Variants in TEP1 observed in about 807,000 individuals in gnomAD.
TEP1 encodes the protein telomerase associated protein 1.
TEP1 carries 241 observed loss-of-function variants against 306.3 expected under a neutral mutation model. The observed-to-expected ratio is 0.79, with a 90% CI of 0.71 to 0.88. The LOEUF is 0.88. Ranked by LOEUF, TEP1 falls within the 40% of genes least tolerant of loss-of-function variation. TEP1 has a pLI of 0.00. For synonymous variants in TEP1, 1,289 were observed against 1,305.5 expected (o/e 0.99, Z 0.27); for missense variants, 3,051 against 3,276.1 (o/e 0.93, Z 1.68).
intron 5 of TEP1, 121 bp downstream of exon 5, chr14:20,404,490 G>A (rs1879012156): frequency 3.2e-6 from 4 of 1,263,898 alleles, no homozygotes; most frequent in Non-Finnish European, 4.3e-6. Context: ...TCCTGTCTGG[G>A]CACCAATGCT....
Position 20,406,244 on chromosome 14 carries a change from G to A in TEP1, c.724C>T (p.Gln242Ter). The change falls in exon 3 of 55, where the codon CAG (glutamine) becomes TAG (stop). Residue 242 changes from glutamine (Q) to a stop codon, truncating the protein, a stop_gained. Coordinates refer to ENST00000262715, the MANE Select transcript of TEP1 (RefSeq NM_007110.5). LOFTEE classifies it high-confidence loss of function. ...SHPEPTDHVLQEKKMALLSLL... is the reference protein window; with the variant it reads ...SHPEPTDHVL ...TCTTGAATTTTTACCTTCTTTTCCT[G>A]AAGGACATGGTCAGTAGGCTCTGGA... is the stretch of plus-strand genomic sequence containing the variant. 1 of 1,613,772 alleles carries A rather than the reference G, an allele frequency of 6.2e-7. No individual in the cohort carries two copies. Among genetic ancestry groups the A allele is most frequent in the East Asian group, 2.2e-5 (1 of 44,878 alleles).
Position 20,378,495 on chromosome 14 carries a change from G to T in TEP1, c.5393C>A (p.Thr1798Asn). Residue 1798 changes from threonine (T) to asparagine (N), a missense_variant, in exon 38 of 55, where the codon ACC (threonine) becomes AAC (asparagine). Transcript: ENST00000262715. ...TVRGQLAFQH[T>N]YPKSLNCVAF... ...AACACAGTTCAGGGACTTGGGGTAGGTGTGCTGGAAGGCCAGCTGCCCACG... is the reference window on the plus strand; with the variant it reads ...AACACAGTTCAGGGACTTGGGGTAGTTGTGCTGGAAGGCCAGCTGCCCACG... 1 of 1,614,216 alleles carries T rather than the reference G, an allele frequency of 6.2e-7. No homozygotes were observed. The highest frequency in any genetic ancestry group is 8.5e-7 in the Non-Finnish European group (1 of 1,180,034).
chr14:20,383,852 A>G lies in TEP1; in HGVS notation c.3601T>C (p.Phe1201Leu), dbSNP rs755222041. The change falls in exon 25 of 55, where the codon TTT (phenylalanine) becomes CTT (leucine). Residue 1201 changes from phenylalanine (F) to leucine (L), a missense_variant. By Grantham distance (22) the Phe-to-Leu change is conservative. Around this residue, in one of 3 missense-constraint regions of TEP1, gnomAD observed 1,507 missense variants for 1,550.5 expected, o/e 0.97. Coordinates refer to ENST00000262715, the MANE Select transcript of TEP1 (RefSeq NM_007110.5). ...CCCTGGTCAGGACGAGCCCCAGAAA[A>G]GTGGAAGAAGACTAATGATGCCACC... ...AKVASLVFFH[F>L]SGARPDQGLA... 26 of 1,604,446 alleles carry G rather than the reference A, an allele frequency of 1.6e-5. No individual in the cohort carries two copies. In the South Asian group the frequency reaches 2.8e-4, roughly 17 times the overall value.
At chr14:20,374,611 G>A (rs1187539820) in intron 43 of TEP1, 75 bp from the exon 44 acceptor site, 2 of 1,084,748 alleles carry the variant, frequency 1.8e-6, no homozygotes, top group Non-Finnish European at 2.6e-6. Flanking sequence ...AGTGTAGGGT[G>A]GAAGGCGGTT....
intron 18 of TEP1, among the ~76,000 whole-genome samples, chr14:20,387,132 T>G (rs926234641): frequency 1.5e-4 from 23 of 150,952 alleles, no homozygotes; most frequent in Non-Finnish European, 1.9e-4. Context: ...CAGGGTTTAG[T>G]CATGTTGGAC....
rs767536719 is a variant in TEP1, at chr14:20,408,029, C to T, written c.411G>A (p.Thr137=). The T allele has an allele frequency of 4.3e-6, 7 of 1,614,022 alleles. No homozygotes were observed. The highest frequency in any genetic ancestry group is 1.7e-5 in the Admixed American group (1 of 60,004). ...LFQSLQISHM[T]QADLYRVNNS... is the part of the protein sequence containing the mutation. ...TGTTCACACGGTACAAATCAGCTTG[C>T]GTCATGTGAGATATCTGTAGACTCT... Residue 137 remains threonine, a synonymous_variant, in exon 2 of 55, where the codon ACG becomes ACA. Transcript: ENST00000262715.
chr14:20,375,047 C>T (rs561457093), intron 43 of TEP1, among the ~76,000 whole-genome samples: 59 of 148,098 alleles, frequency 4.0e-4, no homozygotes, highest in South Asian at 6.5e-4. Context: ...GCAGAGATTG[C>T]GCCACTGCAC....
Position 20,401,007 on chromosome 14 carries a change from G to T in TEP1, c.1526C>A (p.Ala509Glu), listed in dbSNP as rs780628550. Reference sequence around the variant, plus strand: ...ACCAATGAGTTCCTCCCAGACCGACGCTTTGTTCCCCCGTAGGCTCAGCTC... The same window carrying T: ...ACCAATGAGTTCCTCCCAGACCGACTCTTTGTTCCCCCGTAGGCTCAGCTC... ...ERELSLRGNK[A>E]SVWEELIENG... Residue 509 changes from alanine to glutamate, a missense_variant, in exon 9 of 55, where the codon GCG (alanine) becomes GAG (glutamate). By Grantham distance (107) the Ala-to-Glu change is moderately radical (BLOSUM62 -1). Transcript: ENST00000262715. 3 of 1,614,224 alleles carry T rather than the reference G, an allele frequency of 1.9e-6. No individual in the cohort carries two copies. The highest frequency in any genetic ancestry group is 2.5e-6 in the Non-Finnish European group (3 of 1,180,028).
At chr14:20,391,295 T>A (rs1324719999) in intron 13 of TEP1, among the ~76,000 whole-genome samples, 199 bp from the exon 14 acceptor site, 2 of 152,176 alleles carry the variant, frequency 1.3e-5, no homozygotes, top group Non-Finnish European at 2.9e-5. Flanking sequence ...CCAGGATCCC[T>A]GCCCAAGTTC....
intron 10 of TEP1, 23 bp from the exon 11 acceptor site, chr14:20,395,972 GTCATGAGCACAGGAGCCGGGA>G: frequency 2.5e-6 from 4 of 1,605,402 alleles, no homozygotes; most frequent in Non-Finnish European, 3.4e-6. Flanking sequence ...GGAGGGAGGG[GTCATGAGCACAGGAGCCGGGA>G]GTATGGGGGG....
In TEP1 at chr14:20,379,991, T is replaced by C. The variant is rs1401553910; in HGVS notation, c.5066A>G (p.Gln1689Arg). The change falls in exon 35 of 55, where the codon CAA (glutamine) becomes CGA (arginine). Residue 1689 changes from glutamine to arginine, a missense_variant. This residue lies in a region of TEP1 where 1,540 missense variants were observed against 1,705.9 expected (regional missense o/e 0.90). Transcript: ENST00000262715. ...ATTGGCAGTGCCCACAGCTGCTCTT[T>C]GCCCATTGGTGGAGAAGGCCACAGC... ...PTAVAFSTNG[Q>R]RAAVGTANGT... 2.5e-6 allele frequency: 4 copies of C among 1,614,024 alleles called. No individual in the cohort carries two copies. Among genetic ancestry groups the C allele is most frequent in the African/African-American group, 2.7e-5 (2 of 74,916 alleles).
chr14:20,386,852 A>G (rs1877209264), intron 18 of TEP1, among the ~76,000 whole-genome samples: 1 of 151,950 alleles, frequency 6.6e-6, no homozygotes, highest in African/African-American at 2.4e-5. Context: ...TCTGGTAATC[A>G]TTTTTATATA....
intron 20 of TEP1, among the ~76,000 whole-genome samples, chr14:20,385,459 G>A (rs112128160): frequency 0.033 from 5,054 of 151,878 alleles, 297 homozygotes; most frequent in African/African-American, 0.11. Context: ...AGCAACCTCC[G>A]CCTCCTCGGT....
In TEP1 at chr14:20,368,866, G is replaced by A. The variant is rs1333866001; in HGVS notation, c.7693C>T (p.Pro2565Ser). 1 of 1,613,964 alleles carries A rather than the reference G, an allele frequency of 6.2e-7. No homozygotes were observed. The highest frequency in any genetic ancestry group is 8.5e-7 in the Non-Finnish European group (1 of 1,180,016). Reference sequence around the variant, plus strand: ...TTCGAAGCTGTCACCAGCAACTCAGGTAGCACATGGAGGGCTGTGACAGAG... The same window carrying A: ...TTCGAAGCTGTCACCAGCAACTCAGATAGCACATGGAGGGCTGTGACAGAG... ...SGSVTALHVL[P>S]ELLVTASKDR... Residue 2565 changes from proline to serine, a missense_variant, in exon 54 of 55, where the codon CCT becomes TCT. Pro to Ser is a moderately conservative substitution (Grantham distance 74). Transcript: ENST00000262715.
Position 20,374,410 on chromosome 14 carries a change from A to T in TEP1, c.6471+19T>A. ...GCCCTTCCAGAGACCCCCCAGTGGG[A>T]TCTCCATTGCTTTCTCACCACAGCT... On this transcript the variant is annotated intron_variant, in intron 44 of 54. Transcript: ENST00000262715. 4 of 1,585,396 alleles carry T rather than the reference A, an allele frequency of 2.5e-6. No individual in the cohort carries two copies. The South Asian group carries it at 3.3e-5, about 13-fold the overall frequency.
chr14:20,383,882 C>T lies in TEP1; in HGVS notation c.3571G>A (p.Ala1191Thr). ...AAGAAGACTAATGATGCCACCTTGG[C>T]CCCATCAGGAGCCTGCAGGGCTGAC... is the stretch of plus-strand genomic sequence containing the variant. Reference protein sequence around the residue: ...LVSALQAPDGAKVASLVFFHF... With the variant: ...LVSALQAPDGTKVASLVFFHF... Residue 1191 changes from alanine to threonine, a missense_variant, in exon 25 of 55, where the codon GCC becomes ACC. This residue lies in a region of TEP1 where 1,507 missense variants were observed against 1,550.5 expected (regional missense o/e 0.97). Transcript: ENST00000262715. The T allele has an allele frequency of 6.2e-7, 1 of 1,601,398 alleles. No homozygotes were observed. Among genetic ancestry groups the T allele is most frequent in the Middle Eastern group, 1.7e-4 (1 of 6,058 alleles).
intron 9 of TEP1, among the ~76,000 whole-genome samples, chr14:20,400,213 C>T (rs1202398441): frequency 6.6e-6 from 1 of 150,936 alleles, no homozygotes; most frequent in Non-Finnish European, 1.5e-5. Flanking sequence ...TTCTACTCCA[C>T]CCCAAGTGGT....
At chr14:20,400,925 A>G in intron 9 of TEP1, 59 bp downstream of exon 9, 1 of 1,578,336 alleles carries the variant, frequency 6.3e-7, no homozygotes, top group Non-Finnish European at 8.6e-7. Flanking sequence ...GAGGATCTAA[A>G]ATGTGGAGGC....
intron 12 of TEP1, among the ~76,000 whole-genome samples, chr14:20,392,985 G>A (rs1877849043): frequency 1.4e-5 from 2 of 138,524 alleles, no homozygotes; most frequent in South Asian, 2.2e-4. Context: ...TTAGGAGGCC[G>A]AGGCGGGCAG....
Sources: gnomAD v4.1 joint callset for allele counts (sites outside exome capture counted in the v4.1 genomes callset) on GRCh38, gnomAD v4.1.1 for gene constraint, gnomAD v4.1.1 regional missense constraint, MANE v1.5 for transcripts, NCBI Gene and HGNC (gene_info 2026-07-23, HGNC 2026-07-21) for gene names.